The following LGMN variants were observed in gnomAD, a reference collection of about 807,000 sequenced individuals.
The protein encoded by LGMN is legumain.
Under a neutral mutation model 56.8 loss-of-function variants are expected in LGMN, and 36 were observed. The observed-to-expected ratio is 0.63, with a 90% CI of 0.49 to 0.84. The LOEUF is 0.84. LGMN is among the 40% of genes least tolerant of loss of function. The pLI, the probability that LGMN is intolerant of heterozygous loss-of-function variation, is 0.00. For missense variants in LGMN, 446 were observed against 556.1 expected (o/e 0.80, Z 1.99); for synonymous variants, 199 against 210.1 (o/e 0.95, Z 0.46).
chr14:92,713,817 A>C lies in LGMN; in HGVS notation c.543+6T>G, dbSNP rs2140218552. ...CCCCACAAGGCTGCCCCAAGGGCTGAATTACCTTTCGGTACATTTTGTGTT... is the reference window on the plus strand; with the variant it reads ...CCCCACAAGGCTGCCCCAAGGGCTGCATTACCTTTCGGTACATTTTGTGTT... On this transcript the variant is annotated splice_donor_region_variant and intron_variant, in intron 7 of 13. Transcript: ENST00000334869. The C allele has an allele frequency of 1.2e-6, 2 of 1,609,690 alleles. No individual in the cohort carries two copies. Among genetic ancestry groups the C allele is most frequent in the East Asian group, 4.5e-5 (2 of 44,860 alleles).
intron 1 of LGMN, among the ~76,000 whole-genome samples, chr14:92,745,645 T>G (rs1360145884): frequency 1.3e-5 from 2 of 152,218 alleles, no homozygotes; most frequent in African/African-American, 4.8e-5. Flanking sequence ...TTCCAATTTT[T>G]TAAACCATTA....
At chr14:92,727,477 C>T (rs181770862) in intron 2 of LGMN, among the ~76,000 whole-genome samples, 2 of 148,762 alleles carry the variant, frequency 1.3e-5, no homozygotes, top group Admixed American at 1.3e-4. Context: ...GATAAAGAGG[C>T]TAAACTGCTT....
rs190487326 is a variant in LGMN at position 92,745,124 on chromosome 14, C to T, written c.-30+3365G>A. On this transcript the variant is annotated intron_variant, in intron 1 of 13. Transcript: ENST00000334869. Reference sequence around the variant, plus strand: ...ACTGGCCTGGGCAAGATAGTGAGACCCAGTCTCTACAAAAAACAAAAAAAT... The same window carrying T: ...ACTGGCCTGGGCAAGATAGTGAGACTCAGTCTCTACAAAAAACAAAAAAAT... 4.7e-3 allele frequency among the ~76,000 whole-genome samples: 721 copies of T among 152,072 alleles called. 5 individuals carry two copies. Among genetic ancestry groups the T allele is most frequent in the African/African-American group, 0.017 (688 of 41,480 alleles).
intron 2 of LGMN, among the ~76,000 whole-genome samples, chr14:92,727,566 T>A (rs1890803022): frequency 1.3e-5 from 2 of 152,038 alleles, no homozygotes; most frequent in Admixed American, 1.3e-4. Context: ...AGGCACCCGA[T>A]GTGCTGGCCA....
chr14:92,709,991 C>A (rs1465461186), intron 10 of LGMN, 119 bp from the exon 11 acceptor site: 6 of 732,170 alleles, frequency 8.2e-6, no homozygotes, highest in African/African-American at 3.6e-5. Flanking sequence ...GCCCAACATA[C>A]CCCAAGTCCA....
chr14:92,713,204 G>A (rs371775984), intron 7 of LGMN, among the ~76,000 whole-genome samples: 14 of 152,066 alleles, frequency 9.2e-5, no homozygotes, highest in East Asian at 3.9e-4. Context: ...CTGCGTTACT[G>A]TCACGTATCA....
intron 11 of LGMN, among the ~76,000 whole-genome samples, chr14:92,707,683 G>A (rs1436650189): frequency 6.6e-6 from 1 of 151,990 alleles, no homozygotes. Context: ...TAAGAATATT[G>A]TTATTTGTAA....
At chr14:92,740,175 G>A (rs573411324) in intron 1 of LGMN, among the ~76,000 whole-genome samples, 8 of 152,342 alleles carry the variant, frequency 5.3e-5, no homozygotes, top group African/African-American at 1.9e-4. Context: ...TTGAACCCGG[G>A]AGGCAGAGGT....
At chr14:92,737,122 C>A (rs1443810609) in intron 1 of LGMN, among the ~76,000 whole-genome samples, 1 of 152,154 alleles carries the variant, frequency 6.6e-6, no homozygotes, top group Non-Finnish European at 1.5e-5. Flanking sequence ...GCTTTGCAGG[C>A]CAGGCCATCT....
At chr14:92,742,469 G>GT (rs992627849) in intron 1 of LGMN, among the ~76,000 whole-genome samples, 1 of 151,762 alleles carries the variant, frequency 6.6e-6, no homozygotes, top group African/African-American at 2.4e-5. Context: ...GCTAATTTTT[G>GT]TATTTTTAGG....
At chr14:92,719,242 A>G (rs28489659) in intron 2 of LGMN, among the ~76,000 whole-genome samples, 1,028 of 22,700 alleles carry the variant, frequency 0.045, 48 homozygotes, top group East Asian at 0.34. Context: ...CACCGCCACC[A>G]CCGCCACCAC....
chr14:92,719,269 G>GCCACCA (rs1400244430), intron 2 of LGMN, among the ~76,000 whole-genome samples: 4 of 15,562 alleles, frequency 2.6e-4, no homozygotes, highest in Admixed American at 6.6e-4. Context: ...CGCCACCGCC[G>GCCACCA]CCGCCGCCAC....
chr14:92,734,591 C>A (rs902927893), intron 1 of LGMN, among the ~76,000 whole-genome samples: 2 of 150,630 alleles, frequency 1.3e-5, no homozygotes, highest in Non-Finnish European at 2.9e-5. Flanking sequence ...AGTGAGCCTG[C>A]ATCATAGCAC....
At chr14:92,736,962 A>C (rs571461339) in intron 1 of LGMN, among the ~76,000 whole-genome samples, 4 of 152,310 alleles carry the variant, frequency 2.6e-5, no homozygotes, top group African/African-American at 9.6e-5. Context: ...CAGTGACCCC[A>C]CAAGAGAGGT....
intron 10 of LGMN, among the ~76,000 whole-genome samples, chr14:92,710,336 G>T (rs190362489): frequency 3.9e-5 from 6 of 152,288 alleles, no homozygotes; most frequent in African/African-American, 1.4e-4. Flanking sequence ...TCACTCCCCC[G>T]CACTCACCTG....
At chr14:92,734,736 C>T (rs982125999) in intron 1 of LGMN, among the ~76,000 whole-genome samples, 3 of 151,960 alleles carry the variant, frequency 2.0e-5, no homozygotes, top group Non-Finnish European at 4.4e-5. Flanking sequence ...AAAGTATAAA[C>T]GGAAAACAGC....
intron 2 of LGMN, among the ~76,000 whole-genome samples, chr14:92,730,113 C>A (rs1890972873): frequency 6.6e-6 from 1 of 152,154 alleles, no homozygotes; most frequent in African/African-American, 2.4e-5. Context: ...ATCGTGTTAA[C>A]TCTCTGTGGT....
chr14:92,719,793 G>A (rs190998572), intron 2 of LGMN, among the ~76,000 whole-genome samples: 1 of 152,344 alleles, frequency 6.6e-6, no homozygotes, highest in East Asian at 1.9e-4. Context: ...TATCTCAGGT[G>A]AAACATACTA....
In LGMN at chr14:92,719,254, ACCACCG is replaced by A. The variant is rs1349109478; in HGVS notation, c.139-416_139-411del. Among the ~76,000 whole-genome samples, 281 of 30,596 alleles carry A rather than the reference ACCACCG, an allele frequency of 9.2e-3. 3 individuals are homozygous for A. The highest frequency in any genetic ancestry group is 0.017 in the South Asian group (14 of 808). The allele number at this position is 30,596 out of a possible 152,430, so 20.1% of individuals were successfully genotyped here. On this transcript the variant is annotated intron_variant, in intron 2 of 13. Transcript: ENST00000334869. ...CGCCACCGCCACCACCGCCACCACC[ACCACCG>A]CCACCGCCGCCGCCGCCACCGCCGC...
Sources: allele counts gnomAD v4.1 joint callset (sites outside exome capture counted in the v4.1 genomes callset), GRCh38; gene constraint gnomAD v4.1.1; transcripts MANE v1.5; gene names NCBI Gene and HGNC (gene_info 2026-07-23, HGNC 2026-07-21).